The following NPAS3 variants were observed in gnomAD, a reference collection of about 807,000 sequenced individuals.
NPAS3 encodes neuronal PAS domain protein 3.
A neutral mutation model predicts 73.1 loss-of-function variants in NPAS3; 14 were observed. The ratio of observed to expected loss-of-function variants is 0.19; its 90% CI spans 0.13 to 0.30. The LOEUF is 0.30. Ranked by LOEUF, NPAS3 falls within the 10% of genes least tolerant of loss-of-function variation. The pLI is 1.00. For synonymous variants in NPAS3, 620 were observed against 541.5 expected, an observed-to-expected ratio of 1.14 and a Z score of -2.01; for missense variants, 1,096 against 1,250.0, an observed-to-expected ratio of 0.88 and a Z score of 1.86.
chr14:33,148,661 G>T (rs1374859617), intron 2 of NPAS3, among the ~76,000 whole-genome samples: 3 of 152,122 alleles, frequency 2.0e-5, no homozygotes, highest in Non-Finnish European at 4.4e-5. Context: ...TCATTTATGT[G>T]ATTTGCATTA....
At chr14:33,788,120 T>C in intron 9 of NPAS3, among the ~76,000 whole-genome samples, 1 of 152,222 alleles carries the variant, frequency 6.6e-6, no homozygotes, top group Non-Finnish European at 1.5e-5. Context: ...AACCGGTGGC[T>C]ACAGCTAAGC....
intron 3 of NPAS3, among the ~76,000 whole-genome samples, chr14:33,244,529 A>G (rs554710766): frequency 4.6e-4 from 70 of 151,836 alleles, no homozygotes; most frequent in African/African-American, 1.6e-3. Flanking sequence ...AAAAAAACAT[A>G]TTTATCTGCA....
chr14:33,669,222 T>G (rs1277677672), intron 5 of NPAS3, among the ~76,000 whole-genome samples: 1 of 152,202 alleles, frequency 6.6e-6, no homozygotes, highest in Non-Finnish European at 1.5e-5. Context: ...CTTGGCATCG[T>G]TTCACTTTTT....
At chr14:33,457,846 G>A (rs1342580651) in intron 4 of NPAS3, among the ~76,000 whole-genome samples, 2 of 152,134 alleles carry the variant, frequency 1.3e-5, no homozygotes, top group African/African-American at 2.4e-5. Context: ...CTAAGGTGGG[G>A]CAGCACCCTG....
At chr14:33,256,716 T>A (rs2139927993) in intron 3 of NPAS3, among the ~76,000 whole-genome samples, 1 of 152,314 alleles carries the variant, frequency 6.6e-6, no homozygotes, top group African/African-American at 2.4e-5. Context: ...AAACACAATA[T>A]AATTTTAGAC....
intron 1 of NPAS3, among the ~76,000 whole-genome samples, chr14:32,940,365 C>A (rs890197298): frequency 6.6e-6 from 1 of 152,342 alleles, no homozygotes; most frequent in South Asian, 2.1e-4. Context: ...ACCCCCTCCC[C>A]ATCACCACCA....
intron 2 of NPAS3, among the ~76,000 whole-genome samples, chr14:33,149,833 T>C (rs1270235524): frequency 6.6e-6 from 1 of 152,146 alleles, no homozygotes; most frequent in African/African-American, 2.4e-5. Context: ...ATGGGCAGAA[T>C]GTGCAGGTTT....
intron 6 of NPAS3, among the ~76,000 whole-genome samples, chr14:33,708,680 C>A (rs565406154): frequency 1.3e-5 from 2 of 152,262 alleles, no homozygotes; most frequent in Non-Finnish European, 2.9e-5. Context: ...ATGGAAGAGT[C>A]AGAGAGTCTA....
At chr14:33,056,111 G>GAAAAA in intron 2 of NPAS3, 117 bp downstream of exon 2, 1 of 453,570 alleles carries the variant, frequency 2.2e-6, no homozygotes, top group South Asian at 4.9e-5. Flanking sequence ...TAGTGGGGGA[G>GAAAAA]AAAAAAAAAC....
At chr14:33,018,190 T>TA (rs779373762) in intron 1 of NPAS3, among the ~76,000 whole-genome samples, 70 of 152,322 alleles carry the variant, frequency 4.6e-4, no homozygotes, top group Middle Eastern at 3.4e-3. Context: ...CTAGAGTTAA[T>TA]AAGTTTGGAA....
At chr14:33,462,905 G>A (rs1164350353) in intron 4 of NPAS3, among the ~76,000 whole-genome samples, 1 of 152,156 alleles carries the variant, frequency 6.6e-6, no homozygotes, top group Non-Finnish European at 1.5e-5. Context: ...GATAAAATGA[G>A]ATCTTACATG....
chr14:33,152,934 T>G (rs2044507939), intron 2 of NPAS3, among the ~76,000 whole-genome samples: 1 of 152,176 alleles, frequency 6.6e-6, no homozygotes, highest in South Asian at 2.1e-4. Flanking sequence ...GGTTTCGATA[T>G]TGGAATTTTT....
chr14:33,197,091 C>T (rs2046384038), intron 2 of NPAS3, among the ~76,000 whole-genome samples: 1 of 152,108 alleles, frequency 6.6e-6, no homozygotes, highest in Admixed American at 6.5e-5. Context: ...TTGCTCTTTG[C>T]CCTTATGGAT....
chr14:33,443,018 T>G (rs2049322866), intron 4 of NPAS3, among the ~76,000 whole-genome samples: 1 of 152,234 alleles, frequency 6.6e-6, no homozygotes. Flanking sequence ...GAAAACATTG[T>G]TTAAAATGTG....
intron 4 of NPAS3, among the ~76,000 whole-genome samples, chr14:33,544,980 G>A (rs908550480): frequency 2.7e-5 from 4 of 150,196 alleles, no homozygotes; most frequent in African/African-American, 9.9e-5. Flanking sequence ...GTCTCTGTTT[G>A]ATTCTTTTCA....
intron 7 of NPAS3, among the ~76,000 whole-genome samples, chr14:33,741,562 G>A (rs1253316410): frequency 6.6e-6 from 1 of 152,128 alleles, no homozygotes; most frequent in Non-Finnish European, 1.5e-5. Flanking sequence ...TTACAACGTG[G>A]TTTCCAGTGT....
intron 1 of NPAS3, among the ~76,000 whole-genome samples, chr14:32,943,049 A>T (rs2036091397): frequency 6.6e-6 from 1 of 152,170 alleles, no homozygotes; most frequent in Admixed American, 6.5e-5. Context: ...ATCTTTTCAG[A>T]TTTCCAATTT....
chr14:33,404,229 G>A (rs577577965), intron 4 of NPAS3, among the ~76,000 whole-genome samples: 6 of 152,236 alleles, frequency 3.9e-5, no homozygotes, highest in Admixed American at 3.9e-4. Flanking sequence ...TCATTGAGGT[G>A]TGAACTTCTT....
intron 1 of NPAS3, among the ~76,000 whole-genome samples, chr14:33,017,703 C>G (rs927874250): frequency 6.6e-6 from 1 of 152,118 alleles, no homozygotes. Flanking sequence ...AATTACTGAA[C>G]ATCTCTGTGC....
Sources: gnomAD v4.1 joint callset for allele counts (sites outside exome capture counted in the v4.1 genomes callset) on GRCh38, gnomAD v4.1.1 for gene constraint, MANE v1.5 for transcripts, NCBI Gene and HGNC (gene_info 2026-07-23, HGNC 2026-07-21) for gene names.